The following DNAH14 variants were observed in gnomAD, a reference collection of about 807,000 sequenced individuals.
DNAH14 encodes the protein axonemal beta dynein heavy chain 14.
Under a neutral mutation model 520.9 loss-of-function variants are expected in DNAH14, and 478 were observed. That is an observed-to-expected ratio of 0.92 (90% CI 0.85 to 0.99). The LOEUF is 0.99. Ranked by LOEUF, DNAH14 falls within the 50% of genes least tolerant of loss-of-function variation. The pLI is 0.00. For missense variants in DNAH14, 4,831 were observed against 5,234.5 expected (o/e 0.92, Z 2.38); for synonymous variants, 1,581 against 1,757.2 (o/e 0.90, Z 2.51).
chr1:225,366,509 G>A (rs1246038074), intron 76 of DNAH14, among the ~76,000 whole-genome samples: 1 of 152,142 alleles, frequency 6.6e-6, no homozygotes, highest in East Asian at 1.9e-4. Flanking sequence ...GTTCTTTAAA[G>A]AATCAGTCAT....
intron 27 of DNAH14, among the ~76,000 whole-genome samples, chr1:225,136,394 C>A (rs2078957479): frequency 6.6e-6 from 1 of 152,112 alleles, no homozygotes; most frequent in African/African-American, 2.4e-5. Flanking sequence ...AAAGGATCTT[C>A]TTTCACCTTT....
intron 60 of DNAH14, among the ~76,000 whole-genome samples, chr1:225,314,360 A>G (rs2094429328): frequency 6.6e-6 from 1 of 152,230 alleles, no homozygotes; most frequent in African/African-American, 2.4e-5. Flanking sequence ...TCCTGAATAC[A>G]GCACACCAGT....
At chr1:225,016,224 T>C (rs1180583563) in intron 10 of DNAH14, among the ~76,000 whole-genome samples, 1 of 152,234 alleles carries the variant, frequency 6.6e-6, no homozygotes, top group Non-Finnish European at 1.5e-5. Context: ...TTTAACTTTT[T>C]AAGTTTAATT....
chr1:225,398,438 G>A lies in DNAH14; in HGVS notation c.13492-82G>A, dbSNP rs1026530203. The A allele has an allele frequency of 2.8e-5, 41 of 1,482,972 alleles. No homozygotes were observed. In the East Asian group the frequency reaches 3.9e-4, roughly 14 times the overall value. The allele number at this position is 1,482,972 out of a possible 1,614,324, so 91.9% of individuals were successfully genotyped here. A position where few individuals can be genotyped will look rare whatever the true frequency, so the allele number is the denominator to read the frequency against. On this transcript the variant is annotated intron_variant, in intron 84 of 85. Coordinates refer to ENST00000682510, the MANE Select transcript of DNAH14 (RefSeq NM_001367479.1). ...TAGGCAGGATGAGCCCCTCTGGATC[G>A]GTCGGCTCAATTCCGGACGGAGCCT...
intron 11 of DNAH14, among the ~76,000 whole-genome samples, chr1:225,035,560 CT>C (rs1413306922): frequency 1.3e-5 from 2 of 151,594 alleles, no homozygotes; most frequent in Non-Finnish European, 1.5e-5. Flanking sequence ...GTTAGTACTG[CT>C]TTTGCAGTAT....
intron 34 of DNAH14, among the ~76,000 whole-genome samples, chr1:225,154,766 T>C (rs1352381181): frequency 6.6e-6 from 1 of 151,740 alleles, no homozygotes; most frequent in Admixed American, 6.6e-5. Flanking sequence ...TTTCTTGGAG[T>C]ACGGAAGATC....
rs2095765838 is a variant in DNAH14 at position 225,380,469 on chromosome 1, C to A, written c.12880+147C>A. The A allele has an allele frequency of 5.2e-6, 5 of 965,532 alleles. No homozygotes were observed. In the East Asian group the frequency reaches 8.5e-5, roughly 16 times the overall value. The allele number at this position is 965,532 out of a possible 1,614,324, so 59.8% of individuals were successfully genotyped here. A position where few individuals can be genotyped will look rare whatever the true frequency, so the allele number is the denominator to read the frequency against. On this transcript the variant is annotated intron_variant, in intron 80 of 85. Coordinates refer to ENST00000682510, the MANE Select transcript of DNAH14 (RefSeq NM_001367479.1). ...GGAAAACTCAGTCTCTGCCTCCTCT[C>A]TCCAAGTTGAAAGACAGAGAGCACA...
rs1418225439 is a variant in DNAH14, at chr1:225,389,804, G to T, written c.13261G>T (p.Asp4421Tyr). ...STSQKCKHPE[D>Y]SENNFFEGFP... ...TAGCCAAAAATGCAAACACCCTGAG[G>T]ATTCAGAGAACAATTTCTTTGAAGG... The change falls in exon 83 of 86, where the codon GAT (aspartate) becomes TAT (tyrosine). Residue 4421 changes from aspartate (D) to tyrosine (Y), a missense_variant. Transcript: ENST00000682510. 1.3e-6 allele frequency: 2 copies of T among 1,552,008 alleles called. No individual in the cohort carries two copies. The highest frequency in any genetic ancestry group is 2.4e-5 in the South Asian group (2 of 84,062).
intron 17 of DNAH14, among the ~76,000 whole-genome samples, chr1:225,058,366 T>C (rs1156329556): frequency 2.0e-5 from 3 of 152,156 alleles, no homozygotes; most frequent in South Asian, 2.1e-4. Flanking sequence ...TCTGTGGGAT[T>C]GGTGGTGATA....
chr1:224,967,706 TTATATA>T (rs1419971744), intron 6 of DNAH14, 123 bp downstream of exon 6: 1 of 1,593,748 alleles, frequency 6.3e-7, no homozygotes, highest in African/African-American at 1.4e-5. Context: ...GTGGAGCAGT[TTATATA>T]TAAGAATCTC....
At chr1:225,328,202 G>A (rs188383967) in intron 64 of DNAH14, among the ~76,000 whole-genome samples, 1 of 152,226 alleles carries the variant, frequency 6.6e-6, no homozygotes, top group Admixed American at 6.5e-5. Context: ...GCCAAAAACA[G>A]CAAAAGCATT....
intron 76 of DNAH14, among the ~76,000 whole-genome samples, chr1:225,366,830 C>T (rs1054143663): frequency 3.9e-5 from 6 of 151,940 alleles, no homozygotes; most frequent in Non-Finnish European, 8.8e-5. Flanking sequence ...GATTTGTTTA[C>T]ATTCCAAAGC....
chr1:225,026,273 TATTTA>T (rs1280509079), intron 11 of DNAH14, among the ~76,000 whole-genome samples: 2 of 151,876 alleles, frequency 1.3e-5, no homozygotes, highest in African/African-American at 2.4e-5. Context: ...ATTTTATTTT[TATTTA>T]ATTTAACTTG....
Position 225,377,098 on chromosome 1 carries a change from G to C in DNAH14, c.12517-139G>C, listed in dbSNP as rs991892326. The C allele has an allele frequency of 4.4e-6, 3 of 674,458 alleles. No individual in the cohort carries two copies. In the East Asian group the frequency reaches 9.5e-5, roughly 21 times the overall value. The allele number at this position is 674,458 out of a possible 1,614,324, so 41.8% of individuals were successfully genotyped here. ...TAATATACCACATGCAAATAAGAAA[G>C]CCTTCGGTATAAAATTTCATGGGAA... On this transcript the variant is annotated intron_variant, in intron 78 of 85. Transcript: ENST00000682510.
chr1:225,391,279 G>C (rs1396930804), intron 83 of DNAH14, among the ~76,000 whole-genome samples: 1 of 152,108 alleles, frequency 6.6e-6, no homozygotes, highest in African/African-American at 2.4e-5. Flanking sequence ...GGGTACATTG[G>C]AGAAGAACAA....
chr1:225,192,189 A>G (rs188732263), intron 37 of DNAH14, among the ~76,000 whole-genome samples: 26 of 152,178 alleles, frequency 1.7e-4, no homozygotes, highest in African/African-American at 6.0e-4. Context: ...TCTACCTGTA[A>G]TCTCTTGCCC....
At chr1:225,337,989 A>G in intron 67 of DNAH14, 72 bp from the exon 68 acceptor site, 7 of 1,424,616 alleles carry the variant, frequency 4.9e-6, no homozygotes, top group Non-Finnish European at 6.5e-6. Context: ...TAAATGTTTT[A>G]TTGCTGCTTT....
intron 1 of DNAH14, among the ~76,000 whole-genome samples, chr1:224,938,076 A>C (rs2059156142): frequency 6.6e-6 from 1 of 152,214 alleles, no homozygotes; most frequent in Non-Finnish European, 1.5e-5. Context: ...CCTGAATCTA[A>C]GAACTGAAAC....
At chr1:224,939,311 G>A (rs185563519) in intron 1 of DNAH14, among the ~76,000 whole-genome samples, 1 of 150,472 alleles carries the variant, frequency 6.6e-6, no homozygotes, top group Non-Finnish European at 1.5e-5. Context: ...AGATGCACTG[G>A]ATTGTACTCT....
Sources: gnomAD v4.1 joint callset for allele counts (sites outside exome capture counted in the v4.1 genomes callset) on GRCh38, gnomAD v4.1.1 for gene constraint, MANE v1.5 for transcripts, NCBI Gene and HGNC (gene_info 2026-07-23, HGNC 2026-07-21) for gene names.